Variants in CDK5RAP1 observed in about 807,000 individuals in gnomAD.
The protein encoded by CDK5RAP1 is CDK5RAP1 mitochondrial tRNA methylthiotransferase.
A neutral mutation model predicts 64.5 loss-of-function variants in CDK5RAP1; 62 were observed. That is an observed-to-expected ratio of 0.96 (90% CI 0.78 to 1.19). The LOEUF (loss-of-function observed/expected upper bound fraction) is 1.19, where lower values mean the gene tolerates loss of function less well. Among genes scored for constraint, CDK5RAP1 ranks in the 50% most tolerant of loss-of-function variants. The pLI is 0.00. For synonymous variants in CDK5RAP1, 250 were observed against 261.9 expected (o/e 0.95, Z 0.44); for missense variants, 657 against 735.0 (o/e 0.89, Z 1.23).
At position 33,401,498 on chromosome 20, in the gene CDK5RAP1, G is replaced by A; in HGVS notation, c.-91C>T. On this transcript the variant is annotated 5_prime_UTR_variant, in exon 1 of 14. Transcript: ENST00000346416. ...GCCGGCAAGTCGGATCCCCTCACAG[G>A]TCCGCCGCTGCGTTCATACACAAGC... 1.0e-6 allele frequency: 1 copy of A among 985,312 alleles called. No homozygotes were observed. Among genetic ancestry groups the A allele is most frequent in the Non-Finnish European group, 1.2e-6 (1 of 829,924 alleles). 61.0% of individuals were successfully genotyped at this position (985,312 alleles called of 1,614,324 possible).
chr20:33,373,148 C>CCGTGTGTGTGTGTG, intron 9 of CDK5RAP1: 1 of 60,238 alleles, frequency 1.7e-5, no homozygotes, highest in Non-Finnish European at 3.6e-5. Flanking sequence ...GCCATGTTGC[C>CCGTGTGTGTGTGTG]CGTGTGTGTG....
Position 33,386,775 on chromosome 20 carries a change from T to TAAAA in CDK5RAP1, c.755+544_755+547dup, listed in dbSNP as rs11481511. On this transcript the variant is annotated intron_variant, in intron 6 of 13. Coordinates refer to ENST00000346416, the MANE Select transcript of CDK5RAP1 (RefSeq NM_016408.4). ...AAACAGAGGTTGACAAACTTTTCTG[T>TAAAA]AAAAAAAAAAAAAAAACCCTATAGT... is the stretch of plus-strand genomic sequence containing the variant. 5.0e-5 allele frequency among the ~76,000 whole-genome samples: 7 copies of TAAAA among 139,308 alleles called. No individual in the cohort carries two copies. In the East Asian group the frequency reaches 6.2e-4, roughly 12 times the overall value. 91.4% of individuals were successfully genotyped at this position (139,308 alleles called of 152,430 possible). A position where few individuals can be genotyped will look rare whatever the true frequency, so the allele number is the denominator to read the frequency against.
intron 11 of CDK5RAP1, 130 bp downstream of exon 11, chr20:33,370,369 G>C (rs1211490191): frequency 1.1e-5 from 10 of 877,160 alleles, no homozygotes; most frequent in Non-Finnish European, 1.4e-5. Flanking sequence ...ATGAACGGAA[G>C]TGAATCGTAA....
intron 7 of CDK5RAP1, among the ~76,000 whole-genome samples, chr20:33,381,524 T>C (rs291706): frequency 0.59 from 89,358 of 151,888 alleles, 27,321 homozygotes; most frequent in South Asian, 0.68. Flanking sequence ...CCTCCCAGGT[T>C]CAAGCGATTC....
chr20:33,364,004 A>G (rs1983411449), intron 12 of CDK5RAP1, among the ~76,000 whole-genome samples: 3 of 152,192 alleles, frequency 2.0e-5, no homozygotes, highest in African/African-American at 4.8e-5. Flanking sequence ...ACAAACAGGG[A>G]AATTAGAACA....
intron 6 of CDK5RAP1, 115 bp from the exon 7 acceptor site, chr20:33,385,885 A>G (rs1292559657): frequency 7.4e-6 from 7 of 950,990 alleles, no homozygotes; most frequent in African/African-American, 1.6e-5. Context: ...TCTTGCCACA[A>G]TGCTCACACT....
intron 1 of CDK5RAP1, 35 bp downstream of exon 1, chr20:33,401,393 G>C: frequency 2.0e-6 from 2 of 985,414 alleles, no homozygotes; most frequent in Non-Finnish European, 2.4e-6. Context: ...GTCAAAAGCG[G>C]GTGCGCAGCC....
Position 33,395,045 on chromosome 20 carries a change from T to C in CDK5RAP1, c.376A>G (p.Ser126Gly), listed in dbSNP as rs750126513. Residue 126 changes from serine to glycine, a missense_variant, in exon 3 of 14, where the codon AGT becomes GGT. Coordinates refer to ENST00000346416, the MANE Select transcript of CDK5RAP1 (RefSeq NM_016408.4). The stretch of plus-strand genomic sequence containing the variant: ...AGGTTACTGGTCCGCAGGTAGCCAC[T>C]CTTCTGTAAGATGGACCAGGCTATC... ...TEIAWSILQK[S>G]GYLRTSNLQE... is the part of the protein sequence containing the mutation. 76 of 1,612,702 alleles carry C rather than the reference T, an allele frequency of 4.7e-5. No individual in the cohort carries two copies. The highest frequency in any genetic ancestry group is 6.2e-5 in the Non-Finnish European group (73 of 1,178,846).
intron 7 of CDK5RAP1, among the ~76,000 whole-genome samples, chr20:33,384,263 G>A (rs549072565): frequency 6.6e-6 from 1 of 152,290 alleles, no homozygotes; most frequent in Non-Finnish European, 1.5e-5. Context: ...TTTTCCACAA[G>A]TCTATGGCCT....
intron 5 of CDK5RAP1, among the ~76,000 whole-genome samples, chr20:33,389,958 C>T (rs977438087): frequency 2.2e-5 from 3 of 138,990 alleles, no homozygotes; most frequent in African/African-American, 5.4e-5. Flanking sequence ...TTTTTTACAA[C>T]GGAGTATTAC....
At chr20:33,394,953 G>A (rs1354032229) in intron 3 of CDK5RAP1, 60 bp downstream of exon 3, 1 of 1,034,618 alleles carries the variant, frequency 9.7e-7, no homozygotes, top group Non-Finnish European at 1.5e-6. Flanking sequence ...CCTAAGAACT[G>A]GCACAAATGC....
At chr20:33,388,889 G>A (rs1341433975) in intron 5 of CDK5RAP1, among the ~76,000 whole-genome samples, 2 of 152,192 alleles carry the variant, frequency 1.3e-5, no homozygotes. Flanking sequence ...GGCCTCCTGA[G>A]GTGCCGGGAT....
chr20:33,399,836 G>A (rs898048507), intron 1 of CDK5RAP1, among the ~76,000 whole-genome samples: 10 of 151,966 alleles, frequency 6.6e-5, no homozygotes, highest in Non-Finnish European at 1.2e-4. Flanking sequence ...GACCAGCCTG[G>A]GCAACATGGC....
At chr20:33,368,073 C>T (rs1984315528) in intron 11 of CDK5RAP1, among the ~76,000 whole-genome samples, 1 of 152,184 alleles carries the variant, frequency 6.6e-6, no homozygotes, top group Non-Finnish European at 1.5e-5. Flanking sequence ...CAGAACAACC[C>T]TATGAGGTTG....
Position 33,381,439 on chromosome 20 carries a change from T to C in CDK5RAP1, c.877-1748A>G, listed in dbSNP as rs148794611. 4.1e-4 allele frequency among the ~76,000 whole-genome samples: 63 copies of C among 152,280 alleles called. 1 individual carries two copies. Among genetic ancestry groups the C allele is most frequent in the Middle Eastern group, 3.4e-3 (1 of 294 alleles). ...GTTGTTGTTGTTGTTGTTATTGTTG[T>C]TTTTTGAGACAGAGTCTCACTCTGT... On this transcript the variant is annotated intron_variant, in intron 7 of 13. Transcript: ENST00000346416.
rs35069841 is a variant in CDK5RAP1, at chr20:33,381,722, C to T, written c.877-2031G>A. 4.1e-3 allele frequency among the ~76,000 whole-genome samples: 630 copies of T among 152,256 alleles called. 3 individuals are homozygous for T. The highest frequency in any genetic ancestry group is 5.8e-3 in the Non-Finnish European group (398 of 68,038). ...GGATTACAGGTGTGAGCCACCACGC[C>T]CAGCCCAAATAATGTTCTTTATAAC... On this transcript the variant is annotated intron_variant, in intron 7 of 13. Transcript: ENST00000346416.
intron 12 of CDK5RAP1, among the ~76,000 whole-genome samples, chr20:33,365,111 G>A (rs2146587876): frequency 6.6e-6 from 1 of 151,898 alleles, no homozygotes; most frequent in South Asian, 2.1e-4. Context: ...GCCTAAGCTG[G>A]TTTTGAACTC....
intron 1 of CDK5RAP1, among the ~76,000 whole-genome samples, chr20:33,398,259 G>A (rs1448199638): frequency 6.6e-6 from 1 of 152,156 alleles, no homozygotes; most frequent in Non-Finnish European, 1.5e-5. Context: ...TTGGGACGCT[G>A]AGGCTGGTGG....
chr20:33,367,647 G>A (rs1425130185), intron 11 of CDK5RAP1, among the ~76,000 whole-genome samples: 2 of 152,136 alleles, frequency 1.3e-5, no homozygotes, highest in African/African-American at 2.4e-5. Flanking sequence ...TAGGCAACCT[G>A]GGAAGAAGGA....
Sources: gnomAD v4.1 joint callset for allele counts (sites outside exome capture counted in the v4.1 genomes callset) on GRCh38, gnomAD v4.1.1 for gene constraint, MANE v1.5 for transcripts, NCBI Gene and HGNC (gene_info 2026-07-23, HGNC 2026-07-21) for gene names.